The following PLCH1 variants were observed in gnomAD, a reference collection of about 807,000 sequenced individuals.
The protein encoded by PLCH1 is phospholipase C eta 1.
A neutral mutation model predicts 126.7 loss-of-function variants in PLCH1; 60 were observed. The observed-to-expected ratio is 0.47, with a 90% confidence interval of 0.38 to 0.59. PLCH1 has a LOEUF of 0.59. Ranked by LOEUF, PLCH1 falls within the 20% of genes least tolerant of loss-of-function variation. PLCH1 has a pLI of 0.00. For synonymous variants in PLCH1, 719 were observed against 734.9 expected (o/e 0.98, Z 0.35); for missense variants, 1,723 against 2,040.0 (o/e 0.84, Z 2.99).
In PLCH1 at chr3:155,612,594, G is replaced by A. The variant is rs1471303978; in HGVS notation, c.80-16216C>T. Among the ~76,000 whole-genome samples, 5 of 151,980 alleles carry A rather than the reference G, an allele frequency of 3.3e-5. No homozygotes were observed. In the East Asian group the frequency reaches 9.7e-4, roughly 29 times the overall value. On this transcript the variant is annotated intron_variant, in intron 2 of 22. Transcript: ENST00000460012. The stretch of plus-strand genomic sequence containing the variant: ...TTTGAAATGATAAACAAAATTGATA[G>A]ACCATTATCAAGATTAACCAAGAAA...
chr3:155,544,003 C>T (rs1022872948), intron 10 of PLCH1, among the ~76,000 whole-genome samples: 1 of 150,754 alleles, frequency 6.6e-6, no homozygotes, highest in Non-Finnish European at 1.5e-5. Flanking sequence ...AACCAGCTAA[C>T]ATCATAATGA....
intron 12 of PLCH1, among the ~76,000 whole-genome samples, chr3:155,514,499 G>A (rs185932383): frequency 6.6e-6 from 1 of 152,308 alleles, no homozygotes; most frequent in African/African-American, 2.4e-5. Context: ...ACTGGGCTTT[G>A]TCCTGAGGGT....
chr3:155,659,624 G>C (rs1389892138), intron 2 of PLCH1, among the ~76,000 whole-genome samples: 3 of 151,732 alleles, frequency 2.0e-5, no homozygotes, highest in Admixed American at 6.6e-5. Context: ...TCAGCCTCCC[G>C]AGTAGCTGGG....
At chr3:155,495,821 C>T (rs896481674) in intron 15 of PLCH1, among the ~76,000 whole-genome samples, 4 of 152,160 alleles carry the variant, frequency 2.6e-5, no homozygotes, top group African/African-American at 4.8e-5. Context: ...AGTTTAGACC[C>T]TTTCCTTAAA....
chr3:155,480,319 G>T lies in PLCH1; in HGVS notation c.*649C>A, dbSNP rs1240396701. On this transcript the variant is annotated 3_prime_UTR_variant, in exon 23 of 23. Coordinates refer to ENST00000460012, the MANE Select transcript of PLCH1 (RefSeq NM_014996.4). Reference sequence around the variant, plus strand: ...AAATTTATGTAAAACAAACAATTTTGTCCTTATGTACAAAAGACAGCCTTC... The same window carrying T: ...AAATTTATGTAAAACAAACAATTTTTTCCTTATGTACAAAAGACAGCCTTC... 6.6e-6 allele frequency: 1 copy of T among 152,546 alleles called. No homozygotes were observed. Among genetic ancestry groups the T allele is most frequent in the Non-Finnish European group, 1.5e-5 (1 of 68,030 alleles). The allele number at this position is 152,546 out of a possible 1,614,324, so 9.4% of individuals were successfully genotyped here. A position where few individuals can be genotyped will look rare whatever the true frequency, so the allele number is the denominator to read the frequency against.
intron 2 of PLCH1, among the ~76,000 whole-genome samples, chr3:155,689,916 A>C (rs1745245139): frequency 6.6e-6 from 1 of 152,184 alleles, no homozygotes; most frequent in Admixed American, 6.5e-5. Context: ...TCAACATTCA[A>C]GTACAAGAAG....
intron 2 of PLCH1, among the ~76,000 whole-genome samples, chr3:155,618,487 G>T (rs1398245639): frequency 1.3e-5 from 2 of 152,096 alleles, no homozygotes; most frequent in Admixed American, 1.3e-4. Context: ...GACTGTTAAA[G>T]AATGGAGCTC....
intron 10 of PLCH1, among the ~76,000 whole-genome samples, chr3:155,526,934 C>T (rs1722031527): frequency 6.6e-6 from 1 of 152,228 alleles, no homozygotes; most frequent in African/African-American, 2.4e-5. Context: ...GAGATAGTGG[C>T]TTTCACTCCA....
chr3:155,627,079 T>C (rs1206720347), intron 2 of PLCH1, among the ~76,000 whole-genome samples: 1 of 152,198 alleles, frequency 6.6e-6, no homozygotes, highest in African/African-American at 2.4e-5. Flanking sequence ...TGTCACATGA[T>C]ATGCAAAATT....
At chr3:155,606,133 G>C (rs1734322164) in intron 2 of PLCH1, among the ~76,000 whole-genome samples, 1 of 152,070 alleles carries the variant, frequency 6.6e-6, no homozygotes, top group Non-Finnish European at 1.5e-5. Flanking sequence ...ATTCAAAAGG[G>C]CTTTATGCTT....
At chr3:155,603,255 T>G (rs910617605) in intron 2 of PLCH1, among the ~76,000 whole-genome samples, 1 of 152,198 alleles carries the variant, frequency 6.6e-6, no homozygotes, top group Non-Finnish European at 1.5e-5. Flanking sequence ...AGAGTAAATC[T>G]GAGTAATTGA....
intron 2 of PLCH1, among the ~76,000 whole-genome samples, chr3:155,646,312 C>T (rs913954609): frequency 6.6e-6 from 1 of 152,196 alleles, no homozygotes; most frequent in African/African-American, 2.4e-5. Context: ...GAAGCCTCCC[C>T]TTCTCCTTCC....
chr3:155,672,653 G>A (rs1196916259), intron 2 of PLCH1, among the ~76,000 whole-genome samples: 1 of 152,162 alleles, frequency 6.6e-6, no homozygotes, highest in African/African-American at 2.4e-5. Context: ...ATTCTGTCTA[G>A]TGGACAAGAG....
At position 155,587,288 on chromosome 3, in the gene PLCH1, C is replaced by A. The variant is rs1731500416; in HGVS notation, c.471-1094G>T. On this transcript the variant is annotated intron_variant, in intron 4 of 22. Coordinates refer to ENST00000460012, the MANE Select transcript of PLCH1 (RefSeq NM_014996.4). ...GCCCTTTTACCTACTATCTTTTTACCTTCACAATACCCCATGGTACATGAT... is the reference window on the plus strand; with the variant it reads ...GCCCTTTTACCTACTATCTTTTTACATTCACAATACCCCATGGTACATGAT... 2.0e-5 allele frequency among the ~76,000 whole-genome samples: 3 copies of A among 152,150 alleles called. No homozygotes were observed. The South Asian group carries it at 6.2e-4, about 32-fold the overall frequency.
rs1163257794 is a variant in PLCH1, at chr3:155,494,268, G to A, written c.2075-20C>T. The A allele has an allele frequency of 6.2e-7, 1 of 1,611,024 alleles. No homozygotes were observed. Among genetic ancestry groups the A allele is most frequent in the African/African-American group, 1.3e-5 (1 of 74,840 alleles). The stretch of plus-strand genomic sequence containing the variant: ...GTGCCACTGTGCAAGTTGAAAGTGG[G>A]AGAGAATTAGGCAAGATGGTGGCAT... On this transcript the variant is annotated intron_variant, in intron 16 of 22. Transcript: ENST00000460012.
intron 1 of PLCH1, among the ~76,000 whole-genome samples, chr3:155,740,110 T>C (rs905646668): frequency 1.3e-5 from 2 of 152,178 alleles, no homozygotes; most frequent in African/African-American, 4.8e-5. Flanking sequence ...AAAGATATTG[T>C]CAGAAGGTAA....
At chr3:155,529,466 A>G (rs567629263) in intron 10 of PLCH1, among the ~76,000 whole-genome samples, 1 of 152,370 alleles carries the variant, frequency 6.6e-6, no homozygotes, top group Non-Finnish European at 1.5e-5. Flanking sequence ...AGATCACTGC[A>G]ATAAAATGAA....
chr3:155,551,895 G>C (rs1726195825), intron 9 of PLCH1, among the ~76,000 whole-genome samples: 1 of 152,142 alleles, frequency 6.6e-6, no homozygotes, highest in Admixed American at 6.6e-5. Flanking sequence ...CAAATCACCA[G>C]AGGATCTTCC....
At position 155,492,620 on chromosome 3, in the gene PLCH1, G is replaced by A. The variant is rs183205956; in HGVS notation, c.2307+109C>T. 127 of 965,748 alleles carry A rather than the reference G, an allele frequency of 1.3e-4. No homozygotes were observed. The African/African-American group carries it at 1.9e-3, about 14-fold the overall frequency. The allele number at this position is 965,748 out of a possible 1,614,324, so 59.8% of individuals were successfully genotyped here. ...TAATGTCTGATAAGCTGAGGTCAGT[G>A]CTCAGTTATGAACACACATACATCT... On this transcript the variant is annotated intron_variant, in intron 18 of 22. Transcript: ENST00000460012.
Sources: gnomAD v4.1 joint callset for allele counts (sites outside exome capture counted in the v4.1 genomes callset) on GRCh38, gnomAD v4.1.1 for gene constraint, MANE v1.5 for transcripts, NCBI Gene and HGNC (gene_info 2026-07-23, HGNC 2026-07-21) for gene names.